Variants in GPR158 observed in about 807,000 individuals in gnomAD.
The protein encoded by GPR158 is G protein-coupled receptor 158, also known as metabotropic glycine receptor.
Under a neutral mutation model 78.2 loss-of-function variants are expected in GPR158, and 30 were observed. That is an observed-to-expected ratio of 0.38 (90% CI 0.29 to 0.52). The LOEUF (loss-of-function observed/expected upper bound fraction) is 0.52. GPR158 is among the 20% of genes least tolerant of loss of function. GPR158 has a pLI of 0.83. For synonymous variants in GPR158, 581 were observed against 591.1 expected, an observed-to-expected ratio of 0.98 and a Z score of 0.25; for missense variants, 1,463 against 1,523.5, an observed-to-expected ratio of 0.96 and a Z score of 0.66.
chr10:25,473,055 A>C (rs1835531122), intron 5 of GPR158, among the ~76,000 whole-genome samples: 1 of 152,104 alleles, frequency 6.6e-6, no homozygotes, highest in Admixed American at 6.6e-5. Context: ...GAATGCTTCC[A>C]GTTTTTGCCC....
chr10:25,257,282 G>C (rs1320681693), intron 2 of GPR158, among the ~76,000 whole-genome samples: 1 of 152,158 alleles, frequency 6.6e-6, no homozygotes, highest in Non-Finnish European at 1.5e-5. Context: ...AAGCCCTCAT[G>C]ATATAATCTT....
intron 8 of GPR158, among the ~76,000 whole-genome samples, chr10:25,593,375 TATA>T (rs1396041266): frequency 6.6e-6 from 1 of 152,118 alleles, no homozygotes; most frequent in African/African-American, 2.4e-5. Flanking sequence ...GTTTTGTGAT[TATA>T]ATATCATGAG....
At chr10:25,202,601 T>C (rs1357627568) in intron 1 of GPR158, among the ~76,000 whole-genome samples, 1 of 152,234 alleles carries the variant, frequency 6.6e-6, no homozygotes, top group African/African-American at 2.4e-5. Flanking sequence ...TTTTTATGGC[T>C]GCATAGTATT....
chr10:25,331,479 A>G (rs1855121276), intron 2 of GPR158, among the ~76,000 whole-genome samples: 1 of 152,218 alleles, frequency 6.6e-6, no homozygotes, highest in Non-Finnish European at 1.5e-5. Context: ...TGATCTGTCT[A>G]GCATTTATTA....
intron 2 of GPR158, among the ~76,000 whole-genome samples, chr10:25,320,871 A>C (rs986183301): frequency 6.6e-6 from 1 of 152,200 alleles, no homozygotes; most frequent in Non-Finnish European, 1.5e-5. Context: ...TCTCAGGTGG[A>C]GGTAAGTGAA....
At chr10:25,193,294 G>A (rs1328931774) in intron 1 of GPR158, among the ~76,000 whole-genome samples, 1 of 152,206 alleles carries the variant, frequency 6.6e-6, no homozygotes, top group Non-Finnish European at 1.5e-5. Context: ...GAGAATGGCT[G>A]AGGGGTAGGG....
chr10:25,542,409 T>G (rs1836599164), intron 5 of GPR158, among the ~76,000 whole-genome samples: 2 of 152,200 alleles, frequency 1.3e-5, no homozygotes, highest in African/African-American at 2.4e-5. Flanking sequence ...TCATTGTACC[T>G]TGTCAGCATC....
intron 2 of GPR158, among the ~76,000 whole-genome samples, chr10:25,307,129 A>G (rs75432087): frequency 0.034 from 5,247 of 152,160 alleles, 116 homozygotes; most frequent in African/African-American, 0.07. Context: ...GTGTGCCCTG[A>G]AATAAGTTTA....
rs531621886 is a variant in GPR158 at position 25,600,651 on chromosome 10, T to G, written c.*1377T>G. Reference sequence around the variant, plus strand: ...GCTGGGCTCAAATCCCAAAGAGGTTTTATAACCTTATTTATTCAAAACCTA... The same window carrying G: ...GCTGGGCTCAAATCCCAAAGAGGTTGTATAACCTTATTTATTCAAAACCTA... On this transcript the variant is annotated 3_prime_UTR_variant, in exon 11 of 11. Transcript: ENST00000376351. The G allele has an allele frequency of 6.5e-6, 1 of 152,752 alleles. No individual in the cohort carries two copies. Among genetic ancestry groups the G allele is most frequent in the South Asian group, 2.1e-4 (1 of 4,828 alleles). 9.5% of individuals were successfully genotyped at this position (152,752 alleles called of 1,614,324 possible). A position where few individuals can be genotyped will look rare whatever the true frequency, so the allele number is the denominator to read the frequency against.
At chr10:25,523,851 A>G (rs1483673576) in intron 5 of GPR158, among the ~76,000 whole-genome samples, 1 of 151,986 alleles carries the variant, frequency 6.6e-6, no homozygotes, top group African/African-American at 2.4e-5. Flanking sequence ...GAAGAAGAAG[A>G]AAAAAAAGGC....
intron 5 of GPR158, among the ~76,000 whole-genome samples, chr10:25,495,557 G>A (rs931434646): frequency 2.0e-5 from 3 of 151,906 alleles, no homozygotes; most frequent in Non-Finnish European, 4.4e-5. Flanking sequence ...CTCCCAAAGT[G>A]CTGGGATTAC....
intron 5 of GPR158, among the ~76,000 whole-genome samples, chr10:25,507,554 CAT>C (rs1836029729): frequency 6.6e-6 from 1 of 152,140 alleles, no homozygotes; most frequent in Non-Finnish European, 1.5e-5. Context: ...CAAAAGGAAA[CAT>C]AAATCTGACT....
At chr10:25,370,326 C>A (rs1273289477) in intron 2 of GPR158, among the ~76,000 whole-genome samples, 3 of 146,532 alleles carry the variant, frequency 2.0e-5, no homozygotes, top group African/African-American at 5.1e-5. Context: ...TTTCCCTCTA[C>A]ACACTGCTTT....
intron 2 of GPR158, among the ~76,000 whole-genome samples, chr10:25,308,766 A>G (rs1854721025): frequency 6.6e-6 from 1 of 151,952 alleles, no homozygotes; most frequent in Admixed American, 6.6e-5. Context: ...TGTCTCTATG[A>G]TTTTGACTGC....
At chr10:25,401,296 T>C (rs1834442803) in intron 3 of GPR158, among the ~76,000 whole-genome samples, 1 of 152,172 alleles carries the variant, frequency 6.6e-6, no homozygotes, top group South Asian at 2.1e-4. Flanking sequence ...GAAGCTAGGC[T>C]TTTACTGTAT....
At chr10:25,493,224 C>T (rs1169464943) in intron 5 of GPR158, among the ~76,000 whole-genome samples, 2 of 152,192 alleles carry the variant, frequency 1.3e-5, no homozygotes, top group Non-Finnish European at 2.9e-5. Context: ...TAGCATGGGG[C>T]CTGCTTCAAC....
intron 5 of GPR158, among the ~76,000 whole-genome samples, chr10:25,525,049 A>C (rs1276275734): frequency 1.3e-5 from 2 of 152,202 alleles, no homozygotes; most frequent in African/African-American, 4.8e-5. Context: ...AGGGAAATGC[A>C]AATCAAAACC....
intron 2 of GPR158, among the ~76,000 whole-genome samples, chr10:25,238,475 A>G (rs928337553): frequency 1.3e-5 from 2 of 152,232 alleles, no homozygotes; most frequent in Non-Finnish European, 2.9e-5. Flanking sequence ...TATACATTTG[A>G]AAAACAAGAC....
At chr10:25,292,872 C>A (rs946662017) in intron 2 of GPR158, among the ~76,000 whole-genome samples, 2 of 152,068 alleles carry the variant, frequency 1.3e-5, no homozygotes, top group Non-Finnish European at 2.9e-5. Flanking sequence ...TTGTCTAAAT[C>A]TATATGGTTC....
Sources: gnomAD v4.1 joint callset for allele counts (sites outside exome capture counted in the v4.1 genomes callset) on GRCh38, gnomAD v4.1.1 for gene constraint, MANE v1.5 for transcripts, NCBI Gene and HGNC (gene_info 2026-07-23, HGNC 2026-07-21) for gene names.